Variants in ATP1A4 observed in about 807,000 individuals in gnomAD.
ATP1A4 encodes the protein ATPase Na+/K+ transporting subunit alpha 4, also known as sodium/potassium-transporting ATPase subunit alpha-4.
ATP1A4 carries 90 observed loss-of-function variants against 114.3 expected under a neutral mutation model. The observed-to-expected ratio is 0.79, with a 90% CI of 0.66 to 0.94. The LOEUF is 0.94. ATP1A4 is among the 40% of genes least tolerant of loss of function. ATP1A4 has a pLI of 0.00. For synonymous variants in ATP1A4, 511 were observed against 494.1 expected (o/e 1.03, Z -0.45); for missense variants, 1,222 against 1,313.6 (o/e 0.93, Z 1.08).
At chr1:160,160,194 G>A (rs532604270) in intron 6 of ATP1A4, among the ~76,000 whole-genome samples, 1 of 152,216 alleles carries the variant, frequency 6.6e-6, no homozygotes, top group South Asian at 2.1e-4. Flanking sequence ...CAAATGTTTG[G>A]TTATCTAAAA....
At position 160,152,112 on chromosome 1, in the gene ATP1A4, G is replaced by C; in HGVS notation, c.72G>C (p.Gly24=). 6.2e-7 allele frequency: 1 copy of C among 1,614,008 alleles called. No homozygotes were observed. The highest frequency in any genetic ancestry group is 8.5e-7 in the Non-Finnish European group (1 of 1,179,968). The change falls in exon 1 of 22, where the codon GGG becomes GGC. Residue 24 remains glycine (G), a synonymous_variant. Coordinates refer to ENST00000368081, the MANE Select transcript of ATP1A4 (RefSeq NM_144699.4). The part of the protein sequence containing the change: ...DQSPRRRPKK[G]LIKKKMVKRE... ...GTCCAAGACGAAGACCTAAAAAAGGGCTTATCAAGAAAAAAATGGTGAAGA... is the reference window on the plus strand; with the variant it reads ...GTCCAAGACGAAGACCTAAAAAAGGCCTTATCAAGAAAAAAATGGTGAAGA...
Position 160,156,079 on chromosome 1 carries a change from T to A in ATP1A4, c.446T>A (p.Ile149Asn). 6.2e-7 allele frequency: 1 copy of A among 1,614,044 alleles called. No homozygotes were observed. Among genetic ancestry groups the A allele is most frequent in the Non-Finnish European group, 8.5e-7 (1 of 1,179,892 alleles). ...AGCATCGTACTGTCCGTCGTGGTCA[T>A]CGTCACTGGCTGCTTCTCCTATTAT... ...YLSIVLSVVV[I>N]VTGCFSYYQE... Residue 149 changes from isoleucine to asparagine, a missense_variant, in exon 4 of 22, where the codon ATC becomes AAC. Coordinates refer to ENST00000368081, the MANE Select transcript of ATP1A4 (RefSeq NM_144699.4).
Position 160,152,188 on chromosome 1 carries a change from G to A in ATP1A4, c.147+1G>A, listed in dbSNP as rs1571006236. On this transcript the variant is annotated splice_donor_variant, in intron 1 of 21. Coordinates refer to ENST00000368081, the MANE Select transcript of ATP1A4 (RefSeq NM_144699.4). LOFTEE classifies it high-confidence loss of function. The stretch of plus-strand genomic sequence containing the variant: ...GGAACTGAAGAAGGAAGTGGTCATG[G>A]TGAGGCCACCCAAAGTGGGCGCTGA... The A allele has an allele frequency of 6.2e-7, 1 of 1,612,944 alleles. No homozygotes were observed. The highest frequency in any genetic ancestry group is 8.5e-7 in the Non-Finnish European group (1 of 1,179,762).
At chr1:160,184,316 T>TG (rs973544659) in intron 20 of ATP1A4, among the ~76,000 whole-genome samples, 4 of 151,778 alleles carry the variant, frequency 2.6e-5, no homozygotes, top group South Asian at 2.1e-4. Flanking sequence ...GAGGCCAAGG[T>TG]GGGGGGATCG....
rs144363382 is a variant in ATP1A4, at chr1:160,159,073, G to A, written c.597G>A (p.Val199=). Residue 199 remains valine, a synonymous_variant, in exon 5 of 22, where the codon GTG becomes GTA. Coordinates refer to ENST00000368081, the MANE Select transcript of ATP1A4 (RefSeq NM_144699.4). The stretch of plus-strand genomic sequence containing the variant: ...AAGAGGTGGTGTTGGGAGACCTGGT[G>A]GAAATCAAGGGTGGAGACCGAGTCC... The part of the protein sequence containing the change: ...NVQEVVLGDL[V]EIKGGDRVPA... The A allele has an allele frequency of 8.7e-6, 14 of 1,614,018 alleles. No individual in the cohort carries two copies. The highest frequency in any genetic ancestry group is 1.2e-5 in the Non-Finnish European group (14 of 1,180,004).
Position 160,186,326 on chromosome 1 carries a change from A to G in ATP1A4, c.3020A>G (p.Tyr1007Cys). ...AIPYSILIFV[Y>C]DEIRKLLIRQ... ...CCCTACAGTATTCTCATCTTCGTCT[A>G]TGATGAAATCAGAAAACTCCTCATC... Residue 1007 changes from tyrosine to cysteine, a missense_variant, in exon 21 of 22, where the codon TAT (tyrosine) becomes TGT (cysteine). Transcript: ENST00000368081. 1 of 1,613,730 alleles carries G rather than the reference A, an allele frequency of 6.2e-7. No individual in the cohort carries two copies. Among genetic ancestry groups the G allele is most frequent in the Non-Finnish European group, 8.5e-7 (1 of 1,179,958 alleles).
chr1:160,165,488 G>A (rs546220520), intron 7 of ATP1A4, among the ~76,000 whole-genome samples: 4 of 152,178 alleles, frequency 2.6e-5, no homozygotes, highest in South Asian at 2.1e-4. Context: ...TGCCGGGCGC[G>A]GTGGCTCACA....
At chr1:160,166,168 C>G (rs1558020932) in intron 7 of ATP1A4, among the ~76,000 whole-genome samples, 7 of 152,056 alleles carry the variant, frequency 4.6e-5, no homozygotes. Context: ...TACTCGGGAG[C>G]CTGAGGCAGA....
At position 160,181,869 on chromosome 1, in the gene ATP1A4, T is replaced by C; in HGVS notation, c.2867+55T>C. Reference sequence around the variant, plus strand: ...CTCCCAAGCCCCACACACCAGGACATGCCATTTCCCCCTGCCTTTTCTTCT... The same window carrying C: ...CTCCCAAGCCCCACACACCAGGACACGCCATTTCCCCCTGCCTTTTCTTCT... On this transcript the variant is annotated intron_variant, in intron 19 of 21. Transcript: ENST00000368081. 3.1e-6 allele frequency: 5 copies of C among 1,613,708 alleles called. No homozygotes were observed. In the South Asian group the frequency reaches 3.3e-5, roughly 11 times the overall value.
At chr1:160,167,881 G>A (rs1035863881) in intron 10 of ATP1A4, among the ~76,000 whole-genome samples, 1 of 152,172 alleles carries the variant, frequency 6.6e-6, no homozygotes, top group Non-Finnish European at 1.5e-5. Flanking sequence ...GACTGCCAGC[G>A]GGTAGGCGAT....
intron 4 of ATP1A4, among the ~76,000 whole-genome samples, chr1:160,158,430 G>A (rs4656887): frequency 0.22 from 33,418 of 151,954 alleles, 3,889 homozygotes; most frequent in East Asian, 0.43. Context: ...AGACTGAAGC[G>A]TAGTGATGTG....
At position 160,151,816 on chromosome 1, in the gene ATP1A4, C is replaced by T. The variant is rs565588321; in HGVS notation, c.-225C>T. On this transcript the variant is annotated 5_prime_UTR_variant, in exon 1 of 22. In the 5' UTR this introduces an upstream ATG that the reference lacks. Transcript: ENST00000368081. ...CCTGACTCTTCCTCTTCCCAGCGGA[C>T]GGCTGGAGGACCGCTCAGTCTCTCC... The T allele has an allele frequency of 4.8e-5, 23 of 479,202 alleles. No homozygotes were observed. Among genetic ancestry groups the T allele is most frequent in the African/African-American group, 1.9e-4 (10 of 52,052 alleles). The allele number at this position is 479,202 out of a possible 1,614,324, so 29.7% of individuals were successfully genotyped here.
At chr1:160,182,747 C>G (rs1653751206) in intron 20 of ATP1A4, 1 of 152,710 alleles carries the variant, frequency 6.5e-6, no homozygotes, top group Non-Finnish European at 1.5e-5. Context: ...TCTCGGCTTA[C>G]TGCAACCTCT....
chr1:160,180,363 G>A (rs1268838098), intron 18 of ATP1A4, among the ~76,000 whole-genome samples: 5 of 151,786 alleles, frequency 3.3e-5, no homozygotes, highest in Admixed American at 2.0e-4. Context: ...TTGGATCTAC[G>A]AGTTGTTGAT....
intron 10 of ATP1A4, among the ~76,000 whole-genome samples, chr1:160,168,300 C>T (rs147543741): frequency 1.4e-3 from 207 of 150,478 alleles, no homozygotes; most frequent in Non-Finnish European, 2.1e-3. Context: ...CCTTGCATTA[C>T]TGAAAAGGCC....
intron 18 of ATP1A4, among the ~76,000 whole-genome samples, chr1:160,180,041 G>A (rs1316587809): frequency 1.3e-5 from 2 of 152,160 alleles, no homozygotes; most frequent in African/African-American, 4.8e-5. Flanking sequence ...AGGAGATCAA[G>A]GAACTGTGAG....
chr1:160,165,192 G>A (rs1173966054), intron 7 of ATP1A4, among the ~76,000 whole-genome samples: 1 of 152,198 alleles, frequency 6.6e-6, no homozygotes, highest in African/African-American at 2.4e-5. Flanking sequence ...ATTCTTAAAA[G>A]AGAAATGACA....
chr1:160,166,773 G>A (rs1187427414), intron 8 of ATP1A4, 47 bp downstream of exon 8: 1 of 1,610,470 alleles, frequency 6.2e-7, no homozygotes, highest in Non-Finnish European at 8.5e-7. Flanking sequence ...TTTGGGGGAT[G>A]TGATGAGTGA....
At chr1:160,159,550 A>G in intron 6 of ATP1A4, 24 bp downstream of exon 6, 1 of 1,582,594 alleles carries the variant, frequency 6.3e-7, no homozygotes, top group Non-Finnish European at 8.6e-7. Flanking sequence ...CATAAGTAGC[A>G]TAGATTCAAA....
Sources: allele counts gnomAD v4.1 joint callset (sites outside exome capture counted in the v4.1 genomes callset), GRCh38; gene constraint gnomAD v4.1.1; transcripts MANE v1.5; gene names NCBI Gene and HGNC (gene_info 2026-07-23, HGNC 2026-07-21).